Variants in BRSK2 observed in about 807,000 individuals in gnomAD.
BRSK2 encodes the protein serine/threonine-protein kinase BRSK2.
In BRSK2, 19 loss-of-function variants were observed where a neutral mutation model predicts 83.3. The ratio of observed to expected loss-of-function variants is 0.23; its 90% confidence interval spans 0.16 to 0.33. The LOEUF is 0.33. Among genes scored for constraint, BRSK2 ranks in the 10% least tolerant of loss-of-function variants. The pLI is 1.00. For missense variants in BRSK2, 798 were observed against 1,042.3 expected (o/e 0.77, Z 3.23); for synonymous variants, 519 against 435.4 (o/e 1.19, Z -2.39).
Position 1,436,137 on chromosome 11 carries a change from G to A in BRSK2, c.186+3G>A. 3 of 1,401,772 alleles carry A rather than the reference G, an allele frequency of 2.1e-6. No individual in the cohort carries two copies. The highest frequency in any genetic ancestry group is 2.9e-6 in the Non-Finnish European group (3 of 1,036,912). 86.8% of individuals were successfully genotyped at this position (1,401,772 alleles called of 1,614,324 possible). A position where few individuals can be genotyped will look rare whatever the true frequency, so the allele number is the denominator to read the frequency against. ...TCAGCGAGTCGGTGCTGATGAAGGTGGGTGGGGCCGGGGAGGGAGGCGGGG... is the reference window on the plus strand; with the variant it reads ...TCAGCGAGTCGGTGCTGATGAAGGTAGGTGGGGCCGGGGAGGGAGGCGGGG... On this transcript the variant is annotated splice_donor_region_variant and intron_variant, in intron 2 of 19. Coordinates refer to ENST00000528841, the MANE Select transcript of BRSK2 (RefSeq NM_001256627.2).
In BRSK2 at chr11:1,445,220, G is replaced by A. The variant is rs973394966; in HGVS notation, c.813-74G>A. ...GCAGGATGAAGGGCCCCAGGTGAGG[G>A]CGGGCGTCCCACCCTCGCAGCCGCC... is the stretch of plus-strand genomic sequence containing the variant. On this transcript the variant is annotated intron_variant, in intron 9 of 19. Transcript: ENST00000528841. The A allele has an allele frequency of 3.1e-5, 48 of 1,531,444 alleles. No individual in the cohort carries two copies. The Admixed American group carries it at 4.5e-4, about 14-fold the overall frequency. The allele number at this position is 1,531,444 out of a possible 1,614,324, so 94.9% of individuals were successfully genotyped here.
chr11:1,449,720 C>T lies in BRSK2; in HGVS notation c.1227-56C>T, dbSNP rs1445195720. The T allele has an allele frequency of 4.7e-6, 7 of 1,488,390 alleles. No homozygotes were observed. The African/African-American group carries it at 9.7e-5, about 21-fold the overall frequency. The allele number at this position is 1,488,390 out of a possible 1,614,324, so 92.2% of individuals were successfully genotyped here. On this transcript the variant is annotated intron_variant, in intron 12 of 19. Transcript: ENST00000528841. ...TACCTGGGGGGAGCAGAGCCCAGCA[C>T]CTGCTGCTCCACTGCCCCCTGGCTG... is the stretch of plus-strand genomic sequence containing the variant.
At chr11:1,460,426 C>G (rs1847287394) in intron 19 of BRSK2, 74 bp from the exon 20 acceptor site, 11 of 968,662 alleles carry the variant, frequency 1.1e-5, no homozygotes, top group Non-Finnish European at 8.3e-6. Flanking sequence ...CCTTCCCTCC[C>G]CTCCTCTTTC....
At chr11:1,400,258 G>GGGCTGTTCCC (rs1846389106) in intron 1 of BRSK2, among the ~76,000 whole-genome samples, 1 of 152,160 alleles carries the variant, frequency 6.6e-6, no homozygotes, top group South Asian at 2.1e-4. Context: ...CCATGGCTGG[G>GGGCTGTTCCC]AGCTGTTCCC....
chr11:1,423,354 C>T lies in BRSK2; in HGVS notation c.92-12686C>T, dbSNP rs1564821948. ...CGTAAATACTTCAGTGCAGAGCCTTCAGTTAGGAGCCGAGGCCTCTGGCCA... is the reference window on the plus strand; with the variant it reads ...CGTAAATACTTCAGTGCAGAGCCTTTAGTTAGGAGCCGAGGCCTCTGGCCA... On this transcript the variant is annotated intron_variant, in intron 1 of 19. Coordinates refer to ENST00000528841, the MANE Select transcript of BRSK2 (RefSeq NM_001256627.2). The surrounding 1 kb of genome is among the most constrained non-coding windows in gnomAD (Gnocchi z 6.5). Among the ~76,000 whole-genome samples the T allele has an allele frequency of 6.6e-6, 1 of 152,106 alleles. No individual in the cohort carries two copies. The highest frequency in any genetic ancestry group is 1.5e-5 in the Non-Finnish European group (1 of 68,004).
chr11:1,403,463 T>C (rs1049879532), intron 1 of BRSK2, among the ~76,000 whole-genome samples: 4 of 152,156 alleles, frequency 2.6e-5, no homozygotes, highest in Non-Finnish European at 5.9e-5. Flanking sequence ...GCGCTCCTGG[T>C]CTCAGCCCCC....
intron 1 of BRSK2, among the ~76,000 whole-genome samples, chr11:1,405,552 C>G (rs1846811012): frequency 6.6e-6 from 1 of 152,234 alleles, no homozygotes; most frequent in East Asian, 1.9e-4. Context: ...GCCCCTTCCT[C>G]TAGGAAAACA....
rs538356972 is a variant in BRSK2, at chr11:1,439,869, T to TCTTCCCCTGCCCTGGGGGCTTCACCGC, written c.273-895_273-894insCGCCTTCCCCTGCCCTGGGGGCTTCAC. 7.4e-3 allele frequency among the ~76,000 whole-genome samples: 988 copies of TCTTCCCCTGCCCTGGGGGCTTCACCGC among 134,032 alleles called. 12 individuals carry two copies. Among genetic ancestry groups the TCTTCCCCTGCCCTGGGGGCTTCACCGC allele is most frequent in the African/African-American group, 0.027 (943 of 34,982 alleles). 87.9% of individuals were successfully genotyped at this position (134,032 alleles called of 152,430 possible). The stretch of plus-strand genomic sequence containing the variant: ...CTTCCCCTGCCCTGGGGGCTTCATA[T>TCTTCCCCTGCCCTGGGGGCTTCACCGC]CTTCCCCTGCCCTGGGGGCTTCACA... On this transcript the variant is annotated intron_variant, in intron 3 of 19. Coordinates refer to ENST00000528841, the MANE Select transcript of BRSK2 (RefSeq NM_001256627.2).
In BRSK2 at chr11:1,445,922, A is replaced by T. The variant is rs1340806868; in HGVS notation, c.1226+15A>T. On this transcript the variant is annotated intron_variant, in intron 12 of 19. Transcript: ENST00000528841. ...CACGGCCAGAGGTGTGTGTGCCCCG[A>T]GGCTGCTGGGCCTCCCTCCCTGGGC... 6.3e-7 allele frequency: 1 copy of T among 1,594,170 alleles called. No homozygotes were observed. Among genetic ancestry groups the T allele is most frequent in the Admixed American group, 1.7e-5 (1 of 59,174 alleles).
intron 1 of BRSK2, among the ~76,000 whole-genome samples, chr11:1,402,558 C>T (rs1254632881): frequency 7.2e-5 from 11 of 152,186 alleles, no homozygotes; most frequent in African/African-American, 2.7e-4. Flanking sequence ...GCCCCTCAGG[C>T]CAGCCCAGCC....
intron 1 of BRSK2, chr11:1,410,771 C>G: frequency 1.0e-6 from 1 of 985,474 alleles, no homozygotes; most frequent in Non-Finnish European, 1.2e-6. Flanking sequence ...GACACCCCTT[C>G]TGGTTGAGAA....
intron 1 of BRSK2, among the ~76,000 whole-genome samples, chr11:1,393,615 A>G (rs372976920): frequency 2.0e-5 from 3 of 152,248 alleles, no homozygotes; most frequent in South Asian, 2.1e-4. Flanking sequence ...CATGTTCTCA[A>G]TGGCCTTTAG....
At chr11:1,456,732 G>T (rs1395840770) in intron 18 of BRSK2, 45 bp downstream of exon 18, 2 of 1,545,414 alleles carry the variant, frequency 1.3e-6, no homozygotes. Flanking sequence ...TGCGAGTGGG[G>T]CGTGGCCAGC....
chr11:1,440,909 T>A lies in BRSK2; in HGVS notation c.394T>A (p.Cys132Ser). 1 of 1,609,252 alleles carries A rather than the reference T, an allele frequency of 6.2e-7. No individual in the cohort carries two copies. The highest frequency in any genetic ancestry group is 1.8e-4 in the Middle Eastern group (1 of 5,696). ...FRQIISALDF[C>S]HSHSICHRDL... Reference sequence around the variant, plus strand: ...GCAGATCATCTCTGCGCTGGACTTCTGCCACAGCCACTCCATATGGTGAGG... The same window carrying A: ...GCAGATCATCTCTGCGCTGGACTTCAGCCACAGCCACTCCATATGGTGAGG... The change falls in exon 4 of 20, where the codon TGC becomes AGC. Residue 132 changes from cysteine (C) to serine (S), a missense_variant. By Grantham distance (112) the Cys-to-Ser change is moderately radical. Transcript: ENST00000528841.
intron 1 of BRSK2, chr11:1,411,528 CA>C: frequency 6.5e-7 from 1 of 1,540,756 alleles, no homozygotes; most frequent in South Asian, 1.2e-5. Flanking sequence ...AGGGGCCGCA[CA>C]TCACAGAGTG....
intron 1 of BRSK2, among the ~76,000 whole-genome samples, chr11:1,394,778 A>C (rs1280221952): frequency 5.3e-5 from 3 of 56,244 alleles, no homozygotes; most frequent in Middle Eastern, 0.022. Flanking sequence ...GAGATGGGCC[A>C]TGGAGATGGG....
intron 15 of BRSK2, among the ~76,000 whole-genome samples, chr11:1,451,995 CCT>C (rs1348451948): frequency 7.9e-5 from 12 of 152,222 alleles, no homozygotes; most frequent in Middle Eastern, 3.4e-3. Flanking sequence ...CCCTCTCCCT[CCT>C]CTCCACGATG....
rs751382046 is a variant in BRSK2, at chr11:1,442,610, C to T, written c.530+4C>T. 3.6e-5 allele frequency: 58 copies of T among 1,605,686 alleles called. No homozygotes were observed. In the Admixed American group the frequency reaches 3.8e-4, roughly 11 times the overall value. ...GCCTGTTGGAGACCAGCTGTGGGTA[C>T]GTGGCCCTCTGCCCTGGAGAGAGGC... On this transcript the variant is annotated splice_donor_region_variant and intron_variant, in intron 5 of 19. Coordinates refer to ENST00000528841, the MANE Select transcript of BRSK2 (RefSeq NM_001256627.2).
rs1848868295 is a variant in BRSK2, at chr11:1,423,718, T to G, written c.92-12322T>G. Among the ~76,000 whole-genome samples the G allele has an allele frequency of 6.7e-6, 1 of 149,172 alleles. No individual in the cohort carries two copies. The highest frequency in any genetic ancestry group is 2.1e-4 in the South Asian group (1 of 4,670). The stretch of plus-strand genomic sequence containing the variant: ...GCCCCAGGCCTCCCCCGCTGGGCGT[T>G]CCGGGTGCCCCAGGCCTCCCCCGCT... On this transcript the variant is annotated intron_variant, in intron 1 of 19. Transcript: ENST00000528841. The surrounding 1 kb of genome is among the most constrained non-coding windows in gnomAD (Gnocchi z 6.5).
Sources: gnomAD v4.1 joint callset for allele counts (sites outside exome capture counted in the v4.1 genomes callset) on GRCh38, gnomAD v4.1.1 for gene constraint, Gnocchi (gnomAD v3.1) non-coding constraint, MANE v1.5 for transcripts, NCBI Gene and HGNC (gene_info 2026-07-23, HGNC 2026-07-21) for gene names.